Variants in AFAP1 observed in about 807,000 individuals in gnomAD.
AFAP1 encodes actin filament-associated protein 1.
In AFAP1, 75 loss-of-function variants were observed where a neutral mutation model predicts 93.9. That is an observed-to-expected ratio of 0.80 (90% confidence interval 0.66 to 0.97). The LOEUF (loss-of-function observed/expected upper bound fraction) is 0.97, where lower values mean the gene tolerates loss of function less well. AFAP1 is among the 50% of genes least tolerant of loss of function. The pLI, the probability that AFAP1 is intolerant of heterozygous loss-of-function variation, is 0.00. For synonymous variants in AFAP1, 517 were observed against 430.7 expected, an observed-to-expected ratio of 1.20 and a Z score of -2.48; for missense variants, 1,201 against 1,050.8, an observed-to-expected ratio of 1.14 and a Z score of -1.98.
At chr4:7,848,164 TGGGA>T (rs202157134) in intron 4 of AFAP1, among the ~76,000 whole-genome samples, 36,150 of 75,484 alleles carry the variant, frequency 0.48, 8,838 homozygotes, top group Middle Eastern at 0.61. Context: ...GATGGGTAAG[TGGGA>T]GGGAGGGAGG....
chr4:7,759,130 A>C lies in AFAP1; in HGVS notation c.*4635T>G, dbSNP rs1359818611. On this transcript the variant is annotated 3_prime_UTR_variant, in exon 18 of 18. Coordinates refer to ENST00000420658, the MANE Select transcript of AFAP1 (RefSeq NM_001134647.2). ...CCATGGTCAATTAATTCTGAATATCACTTAAAAGTTGATGTTAAAATGTAA... is the reference window on the plus strand; with the variant it reads ...CCATGGTCAATTAATTCTGAATATCCCTTAAAAGTTGATGTTAAAATGTAA... 12 of 152,670 alleles carry C rather than the reference A, an allele frequency of 7.9e-5. No individual in the cohort carries two copies. The highest frequency in any genetic ancestry group is 2.9e-4 in the African/African-American group (12 of 41,462). The allele number at this position is 152,670 out of a possible 1,614,324, so 9.5% of individuals were successfully genotyped here.
Position 7,786,249 on chromosome 4 carries a change from G to T in AFAP1, c.1475C>A (p.Ala492Asp), listed in dbSNP as rs774505544. 4 of 1,614,070 alleles carry T rather than the reference G, an allele frequency of 2.5e-6. No homozygotes were observed. The highest frequency in any genetic ancestry group is 3.4e-6 in the Non-Finnish European group (4 of 1,180,042). Reference sequence around the variant, plus strand: ...ATGAAGTGCCGTCCCGCTGGGGTGGGCATAGCCGTTGGAGGTGCCCCCTAG... The same window carrying T: ...ATGAAGTGCCGTCCCGCTGGGGTGGTCATAGCCGTTGGAGGTGCCCCCTAG... Reference protein sequence around the residue: ...PYLGGTSNGYAHPSGTALHYD... With the variant: ...PYLGGTSNGYDHPSGTALHYD... Residue 492 changes from alanine to aspartate, a missense_variant, in exon 12 of 18, where the codon GCC becomes GAC. Ala to Asp is a moderately radical substitution (Grantham distance 126, BLOSUM62 -2). Coordinates refer to ENST00000420658, the MANE Select transcript of AFAP1 (RefSeq NM_001134647.2).
Position 7,834,092 on chromosome 4 carries a change from TACACACACACACACACACACAC to T in AFAP1, c.726+4410_726+4431del, listed in dbSNP as rs142790415. Among the ~76,000 whole-genome samples, 3 of 126,586 alleles carry T rather than the reference TACACACACACACACACACACAC, an allele frequency of 2.4e-5. No homozygotes were observed. The South Asian group carries it at 7.7e-4, about 33-fold the overall frequency. The allele number at this position is 126,586 out of a possible 152,430, so 83.0% of individuals were successfully genotyped here. On this transcript the variant is annotated intron_variant, in intron 6 of 17. Coordinates refer to ENST00000420658, the MANE Select transcript of AFAP1 (RefSeq NM_001134647.2). ...ACAAGTTGATAAAGAAACTGTGGCATACACACACACACACACACACACACACACACACACACATATATACAAT... is the reference window on the plus strand; with the variant it reads ...ACAAGTTGATAAAGAAACTGTGGCATACACACACACACACATATATACAAT...
intron 8 of AFAP1, among the ~76,000 whole-genome samples, chr4:7,815,000 C>T (rs1356580226): frequency 2.0e-5 from 3 of 152,264 alleles, no homozygotes; most frequent in African/African-American, 4.8e-5. Context: ...AGGTGGGAAC[C>T]ACCCAAGTGT....
At chr4:7,872,938 TTAAA>T (rs1717176776) in intron 1 of AFAP1, among the ~76,000 whole-genome samples, 2 of 135,844 alleles carry the variant, frequency 1.5e-5, no homozygotes, top group Admixed American at 7.9e-5. Flanking sequence ...TTTTTTTTTT[TTAAA>T]AAAAAAAAAA....
chr4:7,841,587 T>C (rs1713024896), intron 5 of AFAP1, among the ~76,000 whole-genome samples: 2 of 152,234 alleles, frequency 1.3e-5, no homozygotes, highest in Admixed American at 6.5e-5. Context: ...TTTCCTTTTC[T>C]GTGCTGTTTA....
intron 17 of AFAP1, among the ~76,000 whole-genome samples, chr4:7,767,325 C>G (rs139541542): frequency 2.0e-5 from 3 of 152,166 alleles, no homozygotes; most frequent in African/African-American, 7.2e-5. Context: ...GAAGCACACA[C>G]GGTGATGGGA....
rs1715629027 is a variant in AFAP1, at chr4:7,772,876, C to T, written c.2197G>A (p.Gly733Ser). 6.2e-7 allele frequency: 1 copy of T among 1,614,056 alleles called. No homozygotes were observed. The highest frequency in any genetic ancestry group is 1.3e-5 in the African/African-American group (1 of 74,940). The change falls in exon 16 of 18, where the codon GGC becomes AGC. Residue 733 changes from glycine (G) to serine (S), a missense_variant. By Grantham distance (56) the Gly-to-Ser change is moderately conservative. Transcript: ENST00000420658. ...ATGGCCAGCCCCAGGGTGACTCCGC[C>T]CGCCAGCGCTTTCTTCAGGCTCTCC... is the stretch of plus-strand genomic sequence containing the variant. ...VKESLKKALAGGVTLGLAIEP... is the reference protein window; with the variant it reads ...VKESLKKALASGVTLGLAIEP...
At chr4:7,794,966 C>A (rs1182140218) in intron 10 of AFAP1, among the ~76,000 whole-genome samples, 2 of 148,724 alleles carry the variant, frequency 1.3e-5, no homozygotes, top group African/African-American at 4.9e-5. Context: ...TATGAGTTAA[C>A]TGAATGTTGA....
chr4:7,934,088 AAC>A (rs1721249452), intron 1 of AFAP1, among the ~76,000 whole-genome samples: 1 of 152,196 alleles, frequency 6.6e-6, no homozygotes, highest in African/African-American at 2.4e-5. Context: ...CATCCAAAAC[AAC>A]AGATGATAGA....
At chr4:7,894,345 GA>G (rs1176141436) in intron 1 of AFAP1, among the ~76,000 whole-genome samples, 1 of 152,286 alleles carries the variant, frequency 6.6e-6, no homozygotes, top group Admixed American at 6.5e-5. Context: ...CTCTGTTACA[GA>G]AAAAGCTTGC....
chr4:7,932,597 A>G (rs900757955), intron 1 of AFAP1, among the ~76,000 whole-genome samples: 1 of 152,140 alleles, frequency 6.6e-6, no homozygotes, highest in African/African-American at 2.4e-5. Context: ...TTCTTAGCAA[A>G]ACTTATGTAA....
chr4:7,911,283 G>A (rs1719708738), intron 1 of AFAP1, among the ~76,000 whole-genome samples: 1 of 152,214 alleles, frequency 6.6e-6, no homozygotes, highest in South Asian at 2.1e-4. Flanking sequence ...GCAGGAGCCA[G>A]CCGCCTCCTT....
At chr4:7,784,714 C>T (rs1038234181) in intron 12 of AFAP1, among the ~76,000 whole-genome samples, 1 of 152,104 alleles carries the variant, frequency 6.6e-6, no homozygotes, top group Non-Finnish European at 1.5e-5. Flanking sequence ...TCCATCGTGG[C>T]TCCTGAGGGA....
Position 7,760,814 on chromosome 4 carries a change from A to C in AFAP1, c.*2951T>G, listed in dbSNP as rs1269233845. On this transcript the variant is annotated 3_prime_UTR_variant, in exon 18 of 18. Transcript: ENST00000420658. The stretch of plus-strand genomic sequence containing the variant: ...GAGCCCCGCAGGGGTCGGCCCCCTC[A>C]CCTGACCTGTCCTCCGGCCAGCTCC... The C allele has an allele frequency of 6.6e-6, 1 of 152,280 alleles. No individual in the cohort carries two copies. The highest frequency in any genetic ancestry group is 1.5e-5 in the Non-Finnish European group (1 of 68,074). The allele number at this position is 152,280 out of a possible 1,614,324, so 9.4% of individuals were successfully genotyped here.
At chr4:7,782,218 A>G (rs1317113506) in intron 12 of AFAP1, among the ~76,000 whole-genome samples, 2 of 152,244 alleles carry the variant, frequency 1.3e-5, no homozygotes, top group African/African-American at 4.8e-5. Context: ...GGAGCCGGTG[A>G]GTGGCAGAGC....
intron 11 of AFAP1, among the ~76,000 whole-genome samples, chr4:7,792,961 A>G (rs914637986): frequency 6.6e-6 from 1 of 152,220 alleles, no homozygotes; most frequent in Admixed American, 6.5e-5. Flanking sequence ...CACTAATGCA[A>G]ATGTCCCAAC....
intron 2 of AFAP1, among the ~76,000 whole-genome samples, chr4:7,869,658 A>C (rs1354417828): frequency 6.6e-6 from 1 of 152,062 alleles, no homozygotes; most frequent in Non-Finnish European, 1.5e-5. Flanking sequence ...TATGCCTAAC[A>C]CTCATTTGGA....
intron 3 of AFAP1, among the ~76,000 whole-genome samples, chr4:7,864,261 G>A (rs191156022): frequency 6.6e-6 from 1 of 152,304 alleles, no homozygotes; most frequent in Non-Finnish European, 1.5e-5. Flanking sequence ...AGAGCTACCT[G>A]CAACGCTCCT....
Sources: allele counts gnomAD v4.1 joint callset (sites outside exome capture counted in the v4.1 genomes callset), GRCh38; gene constraint gnomAD v4.1.1; transcripts MANE v1.5; gene names NCBI Gene and HGNC (gene_info 2026-07-23, HGNC 2026-07-21).